AGBL4: variants seen among roughly 807,000 people sequenced by gnomAD.
AGBL4 encodes cytosolic carboxypeptidase 6.
In AGBL4, 58 loss-of-function variants were observed where a neutral mutation model predicts 66.4. The observed-to-expected ratio is 0.87, with a 90% confidence interval of 0.71 to 1.09. AGBL4 has a LOEUF of 1.09. Ranked by LOEUF, AGBL4 falls within the 50% of genes least tolerant of loss-of-function variation. The pLI is 0.00. For synonymous variants in AGBL4, 234 were observed against 222.9 expected (o/e 1.05, Z -0.44); for missense variants, 579 against 631.0 (o/e 0.92, Z 0.88).
chr1:49,252,266 C>T (rs1486452915), intron 3 of AGBL4, among the ~76,000 whole-genome samples: 1 of 151,848 alleles, frequency 6.6e-6, no homozygotes, highest in Non-Finnish European at 1.5e-5. Flanking sequence ...AATGCAATTG[C>T]AAGTATTAAT....
At chr1:49,879,458 T>A (rs1455303353) in intron 1 of AGBL4, among the ~76,000 whole-genome samples, 1 of 148,958 alleles carries the variant, frequency 6.7e-6, no homozygotes, top group Non-Finnish European at 1.5e-5. Context: ...GGGTTGAAAA[T>A]TATTTTCTTT....
At chr1:49,337,947 A>G (rs904431658) in intron 3 of AGBL4, among the ~76,000 whole-genome samples, 2 of 152,234 alleles carry the variant, frequency 1.3e-5, no homozygotes, top group African/African-American at 4.8e-5. Flanking sequence ...CTTGTCATTA[A>G]TGATCCATCA....
chr1:49,277,589 A>G (rs1489214481), intron 3 of AGBL4, among the ~76,000 whole-genome samples: 1 of 152,116 alleles, frequency 6.6e-6, no homozygotes, highest in Non-Finnish European at 1.5e-5. Context: ...GGAAAGCTAA[A>G]TATTCCACTA....
intron 3 of AGBL4, among the ~76,000 whole-genome samples, chr1:49,295,547 C>G (rs894897366): frequency 1.4e-4 from 21 of 152,246 alleles, no homozygotes; most frequent in African/African-American, 4.8e-4. Flanking sequence ...AACCTAGAGT[C>G]AAACTAGGAA....
At chr1:49,314,448 T>C (rs1299356301) in intron 3 of AGBL4, among the ~76,000 whole-genome samples, 1 of 152,058 alleles carries the variant, frequency 6.6e-6, no homozygotes, top group East Asian at 1.9e-4. Context: ...GTTCTTATTG[T>C]TAAACTCCCA....
chr1:48,975,016 C>T (rs1000963520), intron 5 of AGBL4, among the ~76,000 whole-genome samples: 2 of 151,814 alleles, frequency 1.3e-5, no homozygotes, highest in South Asian at 4.2e-4. Flanking sequence ...TTGACAGCTA[C>T]AATATTATAA....
At chr1:49,884,982 A>C (rs1571801547) in intron 1 of AGBL4, among the ~76,000 whole-genome samples, 1 of 152,052 alleles carries the variant, frequency 6.6e-6, no homozygotes, top group East Asian at 1.9e-4. Context: ...TGATATTTAA[A>C]TGGGTTATGC....
At chr1:49,814,203 A>G (rs890324237) in intron 2 of AGBL4, among the ~76,000 whole-genome samples, 1 of 152,306 alleles carries the variant, frequency 6.6e-6, no homozygotes, top group East Asian at 1.9e-4. Flanking sequence ...CCTCCCTGAT[A>G]AGATGACATT....
chr1:48,948,924 A>G (rs1011807843), intron 5 of AGBL4, among the ~76,000 whole-genome samples: 2 of 152,222 alleles, frequency 1.3e-5, no homozygotes, highest in Non-Finnish European at 2.9e-5. Flanking sequence ...GGGAGGCTTG[A>G]ATAGTGACAG....
intron 4 of AGBL4, among the ~76,000 whole-genome samples, chr1:49,244,277 T>A (rs11205614): frequency 0.33 from 50,716 of 151,546 alleles, 9,015 homozygotes; most frequent in East Asian, 0.72. Flanking sequence ...GCAAGGTTTA[T>A]AGTACTAATC....
At chr1:50,023,348 T>C (rs534674084) in intron 1 of AGBL4, among the ~76,000 whole-genome samples, 22 of 152,138 alleles carry the variant, frequency 1.4e-4, no homozygotes, top group Non-Finnish European at 2.4e-4. Context: ...CAGAGCCTCC[T>C]ACTCCCACCC....
chr1:48,665,244 C>T (rs1178771951), intron 6 of AGBL4, among the ~76,000 whole-genome samples: 1 of 152,164 alleles, frequency 6.6e-6, no homozygotes, highest in African/African-American at 2.4e-5. Context: ...ACAGAAGGCT[C>T]ACCTGCCCTG....
chr1:49,881,380 A>T (rs1490569649), intron 1 of AGBL4, among the ~76,000 whole-genome samples: 1 of 152,128 alleles, frequency 6.6e-6, no homozygotes, highest in Non-Finnish European at 1.5e-5. Flanking sequence ...AGCATGATTT[A>T]TAGTCCTCTG....
intron 7 of AGBL4, among the ~76,000 whole-genome samples, chr1:48,658,016 AC>A (rs1209369770): frequency 1.3e-5 from 2 of 152,282 alleles, no homozygotes; most frequent in East Asian, 1.9e-4. Context: ...AATACTCAAG[AC>A]CTATGTATGA....
intron 3 of AGBL4, among the ~76,000 whole-genome samples, chr1:49,657,442 T>G (rs1476515922): frequency 1.3e-5 from 2 of 152,106 alleles, no homozygotes; most frequent in Non-Finnish European, 2.9e-5. Context: ...CCAAGGTAAT[T>G]TATAGATTCA....
chr1:49,598,919 G>A (rs1440882499), intron 3 of AGBL4, among the ~76,000 whole-genome samples: 5 of 152,158 alleles, frequency 3.3e-5, no homozygotes, highest in Non-Finnish European at 4.4e-5. Context: ...ATTTGCGTAC[G>A]TTGAACCAGC....
chr1:49,234,884 C>G (rs761173487), intron 4 of AGBL4, among the ~76,000 whole-genome samples: 1 of 152,164 alleles, frequency 6.6e-6, no homozygotes, highest in African/African-American at 2.4e-5. Flanking sequence ...TCTGGCTCTG[C>G]CCCTGACTAG....
chr1:49,013,788 G>T (rs1662622464), intron 5 of AGBL4, among the ~76,000 whole-genome samples: 1 of 152,046 alleles, frequency 6.6e-6, no homozygotes, highest in Non-Finnish European at 1.5e-5. Context: ...CAGCTATGAG[G>T]CCCTAGATAA....
chr1:49,649,122 T>C (rs1247637464), intron 3 of AGBL4, among the ~76,000 whole-genome samples: 1 of 152,148 alleles, frequency 6.6e-6, no homozygotes, highest in African/African-American at 2.4e-5. Context: ...ACTGTATCAA[T>C]GATTACATTG....
Sources: allele counts gnomAD v4.1 joint callset (sites outside exome capture counted in the v4.1 genomes callset), GRCh38; gene constraint gnomAD v4.1.1; transcripts MANE v1.5; gene names NCBI Gene and HGNC (gene_info 2026-07-23, HGNC 2026-07-21).